The following CRHR1 variants were observed in gnomAD, a reference collection of about 807,000 sequenced individuals.
The protein encoded by CRHR1 is corticotropin releasing hormone receptor 1.
In CRHR1, 28 loss-of-function variants were observed where a neutral mutation model predicts 56.0. The ratio of observed to expected loss-of-function variants is 0.50; its 90% CI spans 0.37 to 0.69. CRHR1 has a LOEUF of 0.69. Ranked by LOEUF, CRHR1 falls within the 30% of genes least tolerant of loss-of-function variation. The pLI is 0.00. For synonymous variants in CRHR1, 195 were observed against 216.5 expected (o/e 0.90, Z 0.87); for missense variants, 376 against 548.0 (o/e 0.69, Z 3.13).
intron 7 of CRHR1, 101 bp from the exon 8 acceptor site, chr17:45,830,779 G>A: frequency 7.6e-7 from 1 of 1,311,830 alleles, no homozygotes; most frequent in Non-Finnish European, 1.1e-6. Flanking sequence ...TCCACCCTGA[G>A]TAACCCCAGA....
intron 11 of CRHR1, 33 bp from the exon 12 acceptor site, chr17:45,833,974 G>A: frequency 1.2e-6 from 2 of 1,613,846 alleles, no homozygotes; most frequent in Non-Finnish European, 8.5e-7. Context: ...AACACCTGCA[G>A]CCGACCTTTG....
intron 3 of CRHR1, among the ~76,000 whole-genome samples, chr17:45,820,977 G>A (rs1371912539): frequency 6.6e-6 from 1 of 151,200 alleles, no homozygotes; most frequent in Non-Finnish European, 1.5e-5. Flanking sequence ...TTTTTTTGCT[G>A]TCTTGCAAGA....
chr17:45,798,915 G>A (rs1370540495), intron 1 of CRHR1, among the ~76,000 whole-genome samples: 1 of 152,142 alleles, frequency 6.6e-6, no homozygotes, highest in Non-Finnish European at 1.5e-5. Context: ...ATTATTTCTC[G>A]CCTGCCTGGA....
intron 2 of CRHR1, among the ~76,000 whole-genome samples, chr17:45,812,745 T>A (rs182951208): frequency 1.3e-5 from 2 of 152,208 alleles, no homozygotes. Flanking sequence ...TTCCTTAGTG[T>A]CTTCTTCTCC....
intron 2 of CRHR1, among the ~76,000 whole-genome samples, chr17:45,810,951 C>A (rs2061811569): frequency 6.6e-6 from 1 of 152,254 alleles, no homozygotes; most frequent in Admixed American, 6.5e-5. Flanking sequence ...GTTTCACAGG[C>A]TGCCCTTGGG....
Position 45,802,007 on chromosome 17 carries a change from GT to G in CRHR1, c.34-4992del, listed in dbSNP as rs534988754. On this transcript the variant is annotated intron_variant, in intron 1 of 12. Coordinates refer to ENST00000314537, the MANE Select transcript of CRHR1 (RefSeq NM_004382.5). The stretch of plus-strand genomic sequence containing the variant: ...GCTCCCCAGGTTAAGAATTCTCCGT[GT>G]TTTTTTTTTTGTTTGTTTTGTTTTT... Among the ~76,000 whole-genome samples the G allele has an allele frequency of 5.6e-3, 815 of 146,362 alleles. 5 individuals are homozygous for G. The highest frequency in any genetic ancestry group is 0.018 in the African/African-American group (711 of 40,072).
chr17:45,828,227 G>C (rs1468688380), intron 4 of CRHR1, among the ~76,000 whole-genome samples: 1 of 152,228 alleles, frequency 6.6e-6, no homozygotes, highest in African/African-American at 2.4e-5. Context: ...AGCTGGGCAT[G>C]GGGACTGACC....
intron 12 of CRHR1, 94 bp downstream of exon 12, chr17:45,834,142 G>T: frequency 1.6e-5 from 24 of 1,482,094 alleles, no homozygotes; most frequent in Non-Finnish European, 2.3e-5. Context: ...TCCCAGGGCT[G>T]CCTCTCTCCC....
chr17:45,823,403 C>CTTTTTTT (rs71138512), intron 4 of CRHR1, among the ~76,000 whole-genome samples: 2 of 100,600 alleles, frequency 2.0e-5, no homozygotes, highest in African/African-American at 3.9e-5. Flanking sequence ...GGGACATTCC[C>CTTTTTTT]TTTTTTTTTT....
At chr17:45,825,325 C>T (rs1342336985) in intron 4 of CRHR1, among the ~76,000 whole-genome samples, 1 of 152,224 alleles carries the variant, frequency 6.6e-6, no homozygotes, top group African/African-American at 2.4e-5. Context: ...CACTGAGCCC[C>T]CAGCACCACC....
intron 4 of CRHR1, among the ~76,000 whole-genome samples, chr17:45,821,860 G>C (rs1412173601): frequency 2.6e-5 from 4 of 152,216 alleles, no homozygotes; most frequent in African/African-American, 9.7e-5. Context: ...GGACGGGATG[G>C]AGGTAGCAAT....
At position 45,833,224 on chromosome 17, in the gene CRHR1, TA is replaced by T. The variant is rs772322878; in HGVS notation, c.843+15del. 1 of 1,613,114 alleles carries T rather than the reference TA, an allele frequency of 6.2e-7. No individual in the cohort carries two copies. Among genetic ancestry groups the T allele is most frequent in the Admixed American group, 1.7e-5 (1 of 60,010 alleles). On this transcript the variant is annotated intron_variant, in intron 9 of 12. Coordinates refer to ENST00000314537, the MANE Select transcript of CRHR1 (RefSeq NM_004382.5). ...CTGGTCCTGCTGGTAAGAACCTGGG[TA>T]GGGGCAGGAGACAGGGCCCAGTGGG... is the stretch of plus-strand genomic sequence containing the variant.
At chr17:45,802,142 G>A (rs1598408858) in intron 1 of CRHR1, among the ~76,000 whole-genome samples, 1 of 152,020 alleles carries the variant, frequency 6.6e-6, no homozygotes, top group African/African-American at 2.4e-5. Context: ...CTGGCCAACA[G>A]GGTGAAACCT....
intron 1 of CRHR1, among the ~76,000 whole-genome samples, chr17:45,795,849 T>C (rs556558243): frequency 6.6e-6 from 1 of 152,348 alleles, no homozygotes; most frequent in African/African-American, 2.4e-5. Flanking sequence ...GCTTGTTTTA[T>C]GTCTGGTTAG....
chr17:45,832,980 G>A (rs1046694873), intron 8 of CRHR1, among the ~76,000 whole-genome samples, 158 bp from the exon 9 acceptor site: 2 of 152,280 alleles, frequency 1.3e-5, no homozygotes, highest in Non-Finnish European at 2.9e-5. Context: ...AGGCATGGCA[G>A]TGGGATCAAG....
At chr17:45,786,841 A>G (rs1378209734) in intron 1 of CRHR1, among the ~76,000 whole-genome samples, 1 of 151,970 alleles carries the variant, frequency 6.6e-6, no homozygotes, top group African/African-American at 2.4e-5. Context: ...GGGTTTCCCC[A>G]TATTGCCCTG....
intron 8 of CRHR1, among the ~76,000 whole-genome samples, chr17:45,832,446 G>T (rs190170880): frequency 1.1e-4 from 16 of 152,226 alleles, no homozygotes; most frequent in Admixed American, 7.2e-4. Flanking sequence ...CTGAAAACTC[G>T]ATTTTGTAGC....
chr17:45,785,046 C>T (rs1383856708), intron 1 of CRHR1, among the ~76,000 whole-genome samples: 1 of 152,190 alleles, frequency 6.6e-6, no homozygotes, highest in Non-Finnish European at 1.5e-5. Context: ...GCCCCTTCCC[C>T]TCCGCGGCGA....
chr17:45,801,123 G>T (rs1161156373), intron 1 of CRHR1, among the ~76,000 whole-genome samples: 1 of 152,184 alleles, frequency 6.6e-6, no homozygotes, highest in Non-Finnish European at 1.5e-5. Context: ...GGGGGTGGGG[G>T]TGTGGGTAGC....
Sources: gnomAD v4.1 joint callset for allele counts (sites outside exome capture counted in the v4.1 genomes callset) on GRCh38, gnomAD v4.1.1 for gene constraint, MANE v1.5 for transcripts, NCBI Gene and HGNC (gene_info 2026-07-23, HGNC 2026-07-21) for gene names.